Variants in THSD4 observed in about 807,000 individuals in gnomAD.
THSD4 encodes the protein thrombospondin type-1 domain-containing protein 4.
Under a neutral mutation model 119.0 loss-of-function variants are expected in THSD4, and 69 were observed. The observed-to-expected ratio is 0.58, with a 90% CI of 0.48 to 0.71. THSD4 has a LOEUF of 0.71. Ranked by LOEUF, THSD4 falls within the 30% of genes least tolerant of loss-of-function variation. THSD4 has a pLI of 0.00. For missense variants in THSD4, 1,393 were observed against 1,391.1 expected (o/e 1.00, Z -0.02); for synonymous variants, 524 against 540.4 (o/e 0.97, Z 0.42).
chr15:71,688,250 G>C (rs1348354052), intron 8 of THSD4, among the ~76,000 whole-genome samples: 1 of 152,178 alleles, frequency 6.6e-6, no homozygotes, highest in Non-Finnish European at 1.5e-5. Flanking sequence ...GAATTCTTCT[G>C]TTAATTTTTC....
chr15:71,379,738 G>A (rs376411879), intron 6 of THSD4, among the ~76,000 whole-genome samples: 1 of 151,854 alleles, frequency 6.6e-6, no homozygotes, highest in Non-Finnish European at 1.5e-5. Context: ...GATTACAGGC[G>A]TGAGCCACCG....
chr15:71,340,622 T>G (rs2045553617), intron 6 of THSD4, among the ~76,000 whole-genome samples: 1 of 151,296 alleles, frequency 6.6e-6, no homozygotes, highest in Non-Finnish European at 1.5e-5. Flanking sequence ...TTTTTTTTTT[T>G]TGCGACACAG....
At chr15:71,537,905 G>C (rs80335509) in intron 7 of THSD4, among the ~76,000 whole-genome samples, 3 of 151,950 alleles carry the variant, frequency 2.0e-5, no homozygotes, top group Admixed American at 6.6e-5. Flanking sequence ...TGGGTTTACA[G>C]GTACATGCCA....
At chr15:71,361,572 CTG>C (rs1379023951) in intron 6 of THSD4, among the ~76,000 whole-genome samples, 1 of 152,194 alleles carries the variant, frequency 6.6e-6, no homozygotes, top group African/African-American at 2.4e-5. Flanking sequence ...GGGAACTTCT[CTG>C]TGGAAAGCAA....
intron 3 of THSD4, 64 bp downstream of exon 3, chr15:71,154,996 G>A: frequency 6.6e-7 from 1 of 1,518,240 alleles, no homozygotes; most frequent in South Asian, 1.1e-5. Flanking sequence ...TGTGGTCACT[G>A]CCCTGAACTT....
intron 3 of THSD4, among the ~76,000 whole-genome samples, chr15:71,173,824 T>G (rs2043409880): frequency 6.6e-6 from 1 of 151,938 alleles, no homozygotes; most frequent in African/African-American, 2.4e-5. Flanking sequence ...TGGAGACCAA[T>G]GGAATAGAAT....
At chr15:71,355,126 A>G (rs1473381870) in intron 6 of THSD4, among the ~76,000 whole-genome samples, 1 of 152,190 alleles carries the variant, frequency 6.6e-6, no homozygotes. Context: ...CGTATCCATC[A>G]TGTTGTTTGG....
chr15:71,630,615 G>A (rs371105088), intron 7 of THSD4, among the ~76,000 whole-genome samples: 34 of 152,126 alleles, frequency 2.2e-4, no homozygotes, highest in Non-Finnish European at 2.6e-4. Flanking sequence ...ATGGCACAGC[G>A]ACCTTCACTG....
intron 3 of THSD4, among the ~76,000 whole-genome samples, chr15:71,159,389 T>C (rs113856156): frequency 6.6e-6 from 1 of 152,336 alleles, no homozygotes; most frequent in African/African-American, 2.4e-5. Flanking sequence ...GCATTAAATC[T>C]GTAAATTGCT....
At chr15:71,430,802 C>G (rs2140532312) in intron 7 of THSD4, among the ~76,000 whole-genome samples, 1 of 150,316 alleles carries the variant, frequency 6.7e-6, no homozygotes, top group Middle Eastern at 3.5e-3. Flanking sequence ...CATTCTTTAC[C>G]TACCACGGGG....
At chr15:71,251,115 TTGAG>T (rs2044255173) in intron 5 of THSD4, among the ~76,000 whole-genome samples, 1 of 152,142 alleles carries the variant, frequency 6.6e-6, no homozygotes, top group Non-Finnish European at 1.5e-5. Flanking sequence ...TCTGTGTAAT[TTGAG>T]AAAGGAGATA....
In THSD4 at chr15:71,727,613, C is replaced by T. The variant is rs956474602; in HGVS notation, c.1358-936C>T. Among the ~76,000 whole-genome samples the T allele has an allele frequency of 1.5e-3, 183 of 118,896 alleles. 4 individuals carry two copies. The highest frequency in any genetic ancestry group is 6.1e-3 in the African/African-American group (169 of 27,758). The allele number at this position is 118,896 out of a possible 152,430, so 78.0% of individuals were successfully genotyped here. ...ACACACACACACACACACACACACA[C>T]ACACACACAAGCCAGGCATGGTGGT... On this transcript the variant is annotated intron_variant, in intron 8 of 17. Transcript: ENST00000261862.
intron 3 of THSD4, among the ~76,000 whole-genome samples, chr15:71,174,667 G>T (rs1209351951): frequency 7.8e-6 from 1 of 128,542 alleles, no homozygotes; most frequent in African/African-American, 2.7e-5. Context: ...GCCTCTGTAG[G>T]CTCCACCTCT....
chr15:71,226,755 G>T (rs1156331325), intron 4 of THSD4, among the ~76,000 whole-genome samples: 1 of 152,170 alleles, frequency 6.6e-6, no homozygotes, highest in Non-Finnish European at 1.5e-5. Flanking sequence ...CCTACAGGGG[G>T]GCAGAAACCA....
intron 7 of THSD4, among the ~76,000 whole-genome samples, chr15:71,557,266 G>A (rs1342343678): frequency 6.6e-6 from 1 of 152,106 alleles, no homozygotes; most frequent in Non-Finnish European, 1.5e-5. Flanking sequence ...ATCTGTCAGT[G>A]TGATAAATTA....
At chr15:71,565,406 A>C (rs769057141) in intron 7 of THSD4, among the ~76,000 whole-genome samples, 1 of 152,238 alleles carries the variant, frequency 6.6e-6, no homozygotes, top group Non-Finnish European at 1.5e-5. Context: ...GATTCAGACC[A>C]TCATCTCTCC....
chr15:71,157,151 G>C (rs566678227), intron 3 of THSD4, among the ~76,000 whole-genome samples: 1 of 152,028 alleles, frequency 6.6e-6, no homozygotes, highest in African/African-American at 2.4e-5. Flanking sequence ...TACTTTATAC[G>C]TGATCAATTT....
intron 7 of THSD4, among the ~76,000 whole-genome samples, chr15:71,511,120 A>G (rs138735035): frequency 1.2e-4 from 19 of 152,258 alleles, no homozygotes; most frequent in African/African-American, 4.1e-4. Context: ...TCTTCAGCAG[A>G]GCCAATCAAA....
chr15:71,439,230 A>G (rs894034311), intron 7 of THSD4, among the ~76,000 whole-genome samples: 1 of 152,312 alleles, frequency 6.6e-6, no homozygotes, highest in Non-Finnish European at 1.5e-5. Context: ...GTTTTATTGC[A>G]TATGGATCAT....
Sources: gnomAD v4.1 joint callset for allele counts (sites outside exome capture counted in the v4.1 genomes callset) on GRCh38, gnomAD v4.1.1 for gene constraint, MANE v1.5 for transcripts, NCBI Gene and HGNC (gene_info 2026-07-23, HGNC 2026-07-21) for gene names.